The following TFB2M variants were observed in gnomAD, a reference collection of about 807,000 sequenced individuals.
TFB2M encodes the protein dimethyladenosine transferase 2, mitochondrial.
TFB2M carries 44 observed loss-of-function variants against 41.3 expected under a neutral mutation model. The observed-to-expected ratio is 1.07, with a 90% confidence interval of 0.84 to 1.37. TFB2M has a LOEUF of 1.37. Among genes scored for constraint, TFB2M ranks in the 40% most tolerant of loss-of-function variants. TFB2M has a pLI of 0.00. For synonymous variants in TFB2M, 188 were observed against 176.8 expected (o/e 1.06, Z -0.50); for missense variants, 496 against 490.2 (o/e 1.01, Z -0.11).
intron 6 of TFB2M, among the ~76,000 whole-genome samples, chr1:246,545,381 T>C (rs1006589048): frequency 1.3e-5 from 2 of 151,540 alleles, no homozygotes; most frequent in African/African-American, 4.9e-5. Flanking sequence ...ATAAATTAGC[T>C]GGGTGTGGTG....
In TFB2M at chr1:246,541,106, T is replaced by C; in HGVS notation, c.1116A>G (p.Thr372=). The stretch of plus-strand genomic sequence containing the variant: ...TGGAACGCTCTATAGTTTCAAAAAG[T>C]GTTTTGAAGTCTTGAGGGTGCATGT... ...VVNMHPQDFK[T]LFETIERSKD... is the part of the protein sequence containing the mutation. The change falls in exon 8 of 8, where the codon ACA becomes ACG. Residue 372 remains threonine (T), a synonymous_variant. Coordinates refer to ENST00000366514, the MANE Select transcript of TFB2M (RefSeq NM_022366.3). 1 of 1,614,140 alleles carries C rather than the reference T, an allele frequency of 6.2e-7. No homozygotes were observed. The highest frequency in any genetic ancestry group is 8.5e-7 in the Non-Finnish European group (1 of 1,179,978).
At chr1:246,551,416 A>C in intron 4 of TFB2M, 114 bp from the exon 5 acceptor site, 2 of 754,048 alleles carry the variant, frequency 2.7e-6, no homozygotes, top group Middle Eastern at 3.6e-4. Context: ...AGAAAAGAAA[A>C]CTAGAATTAG....
chr1:246,565,048 C>T (rs1659577259), intron 1 of TFB2M, among the ~76,000 whole-genome samples: 1 of 152,144 alleles, frequency 6.6e-6, no homozygotes, highest in Non-Finnish European at 1.5e-5. Flanking sequence ...AAATAGATTG[C>T]CTCTAGCCTA....
intron 7 of TFB2M, among the ~76,000 whole-genome samples, chr1:246,543,047 G>C (rs184336257): frequency 7.2e-6 from 1 of 138,078 alleles, no homozygotes. Context: ...ACACTGCAAT[G>C]CAGTGGTGAG....
Position 246,541,563 on chromosome 1 carries a change from T to A in TFB2M, c.1020-361A>T, listed in dbSNP as rs561970062. 2.0e-5 allele frequency among the ~76,000 whole-genome samples: 3 copies of A among 152,344 alleles called. No individual in the cohort carries two copies. The South Asian group carries it at 6.2e-4, about 32-fold the overall frequency. Reference sequence around the variant, plus strand: ...ATTATATATAAGCAATCTTATTTAGTTTAAGAGCTTCCAGTAACTTTATGC... The same window carrying A: ...ATTATATATAAGCAATCTTATTTAGATTAAGAGCTTCCAGTAACTTTATGC... On this transcript the variant is annotated intron_variant, in intron 7 of 7. Transcript: ENST00000366514.
intron 1 of TFB2M, 145 bp from the exon 2 acceptor site, chr1:246,564,579 CAT>C: frequency 4.7e-6 from 3 of 637,650 alleles, no homozygotes; most frequent in Non-Finnish European, 5.4e-6. Context: ...CTCCTTTTTA[CAT>C]ATAAGGAAAC....
Position 246,564,416 on chromosome 1 carries a change from T to A in TFB2M, c.332A>T (p.Gln111Leu), listed in dbSNP as rs558889604. The A allele has an allele frequency of 1.9e-6, 3 of 1,614,134 alleles. No homozygotes were observed. The African/African-American group carries it at 4.0e-5, about 22-fold the overall frequency. The change falls in exon 2 of 8, where the codon CAG becomes CTG. Residue 111 changes from glutamine (Q) to leucine (L), a missense_variant. Coordinates refer to ENST00000366514, the MANE Select transcript of TFB2M (RefSeq NM_022366.3). Reference sequence around the variant, plus strand: ...TTTGGCACCAGCTTCAAGTAATGCCTGAGTCAGGATTCCAGGACCTGGCAC... The same window carrying A: ...TTTGGCACCAGCTTCAAGTAATGCCAGAGTCAGGATTCCAGGACCTGGCAC... ...ECNPGPGILT[Q>L]ALLEAGAKVV...
At chr1:246,564,276 T>C (rs1254040931) in intron 2 of TFB2M, 70 bp downstream of exon 2, 1 of 1,352,706 alleles carries the variant, frequency 7.4e-7, no homozygotes, top group Non-Finnish European at 1.1e-6. Flanking sequence ...GTGTGCTTAA[T>C]TCCATTTCCT....
chr1:246,546,962 T>TTCACACACACACACACACACACACAC (rs1659035608), intron 6 of TFB2M, among the ~76,000 whole-genome samples: 1 of 73,966 alleles, frequency 1.4e-5, no homozygotes, highest in African/African-American at 3.4e-5. Context: ...TATATATGTA[T>TTCACACACACACACACACACACACAC]ATATACACAC....
chr1:246,548,304 TAAGAA>T (rs750927428), intron 6 of TFB2M, among the ~76,000 whole-genome samples: 47 of 152,204 alleles, frequency 3.1e-4, no homozygotes, highest in Non-Finnish European at 6.2e-4. Context: ...TCAAAAGATA[TAAGAA>T]GAGAACTCAG....
At chr1:246,550,274 A>G (rs1258598670) in intron 5 of TFB2M, among the ~76,000 whole-genome samples, 1 of 152,200 alleles carries the variant, frequency 6.6e-6, no homozygotes, top group African/African-American at 2.4e-5. Flanking sequence ...GAACTATAGT[A>G]CTGAGAGTAC....
chr1:246,543,683 C>T (rs1196974884), intron 7 of TFB2M, among the ~76,000 whole-genome samples: 2 of 152,186 alleles, frequency 1.3e-5, no homozygotes, highest in Non-Finnish European at 2.9e-5. Flanking sequence ...CCTGTAACCC[C>T]AGCACTTTGG....
chr1:246,550,821 T>A (rs1479515767), intron 5 of TFB2M, among the ~76,000 whole-genome samples: 2 of 152,152 alleles, frequency 1.3e-5, no homozygotes, highest in Non-Finnish European at 2.9e-5. Flanking sequence ...ATGTAGAGGT[T>A]GCAGTGAGCC....
chr1:246,564,346 C>G lies in TFB2M; in HGVS notation c.402G>C (p.Glu134Asp). ...ATACGTTGAGAAACTAAAAATATAC[C>G]TCCAAATGTGGAATAAAAGTTTTGT... is the stretch of plus-strand genomic sequence containing the variant. ...ESDKTFIPHL[E>D]SLGKNLDGKL... Residue 134 changes from glutamate to aspartate, a missense_variant and splice_region_variant, in exon 2 of 8, where the codon GAG becomes GAC. Transcript: ENST00000366514. The G allele has an allele frequency of 6.2e-7, 1 of 1,613,772 alleles. No individual in the cohort carries two copies. Among genetic ancestry groups the G allele is most frequent in the Non-Finnish European group, 8.5e-7 (1 of 1,179,742 alleles).
At chr1:246,546,053 C>T (rs949596648) in intron 6 of TFB2M, among the ~76,000 whole-genome samples, 3 of 152,128 alleles carry the variant, frequency 2.0e-5, no homozygotes, top group African/African-American at 4.8e-5. Context: ...GGGTTGCTCA[C>T]ACCTACAATC....
chr1:246,554,591 C>T (rs1659270925), intron 4 of TFB2M, among the ~76,000 whole-genome samples: 1 of 152,150 alleles, frequency 6.6e-6, no homozygotes, highest in Admixed American at 6.5e-5. Flanking sequence ...CATCTAGTTT[C>T]AGGAAAACTA....
In TFB2M at chr1:246,565,960, G is replaced by A. The variant is rs1239150996; in HGVS notation, c.179C>T (p.Pro60Leu). The change falls in exon 1 of 8, where the codon CCG (proline) becomes CTG (leucine). Residue 60 changes from proline to leucine, a missense_variant. Coordinates refer to ENST00000366514, the MANE Select transcript of TFB2M (RefSeq NM_022366.3). ...QLWPEPDFRN[P>L]PRKASKASLD... ...GCTGGCCTTAGACGCCTTCCTTGGC[G>A]GATTCCTGAAATCCGGTTCGGGCCA... 6.2e-7 allele frequency: 1 copy of A among 1,614,182 alleles called. No individual in the cohort carries two copies. The highest frequency in any genetic ancestry group is 2.2e-5 in the East Asian group (1 of 44,874).
Position 246,548,539 on chromosome 1 carries a change from T to A in TFB2M, c.858+6A>T. 6.2e-7 allele frequency: 1 copy of A among 1,612,614 alleles called. No individual in the cohort carries two copies. Among genetic ancestry groups the A allele is most frequent in the Non-Finnish European group, 8.5e-7 (1 of 1,179,190 alleles). On this transcript the variant is annotated splice_donor_region_variant and intron_variant, in intron 6 of 7. Transcript: ENST00000366514. ...GAAAAAGGAAAAGGTATTATTTTAT[T>A]CTTACCCTACGCTTTGGGTTTTCCA...
chr1:246,546,654 A>G (rs1659028041), intron 6 of TFB2M, among the ~76,000 whole-genome samples: 1 of 151,722 alleles, frequency 6.6e-6, no homozygotes. Context: ...GGAAAAAAAA[A>G]AAAACCCAAA....
Sources: gnomAD v4.1 joint callset for allele counts (sites outside exome capture counted in the v4.1 genomes callset) on GRCh38, gnomAD v4.1.1 for gene constraint, MANE v1.5 for transcripts, NCBI Gene and HGNC (gene_info 2026-07-23, HGNC 2026-07-21) for gene names.